Variants in CAMTA1 observed in about 807,000 individuals in gnomAD.
CAMTA1 encodes the protein calmodulin-binding transcription activator 1.
Under a neutral mutation model 170.9 loss-of-function variants are expected in CAMTA1, and 27 were observed. The observed-to-expected ratio is 0.16, with a 90% CI of 0.12 to 0.22. CAMTA1 has a LOEUF of 0.22. Ranked by LOEUF, CAMTA1 falls within the 10% of genes least tolerant of loss-of-function variation. CAMTA1 has a pLI of 1.00. For synonymous variants in CAMTA1, 833 were observed against 891.5 expected (o/e 0.93, Z 1.17); for missense variants, 1,619 against 2,217.2 (o/e 0.73, Z 5.42).
intron 3 of CAMTA1, among the ~76,000 whole-genome samples, chr1:6,910,075 C>G (rs569402099): frequency 1.3e-5 from 2 of 152,340 alleles, no homozygotes; most frequent in South Asian, 4.1e-4. Context: ...TTGCTTTTGG[C>G]TTTATCTATA....
chr1:6,919,911 AC>A (rs1390535953), intron 3 of CAMTA1, among the ~76,000 whole-genome samples: 1 of 151,044 alleles, frequency 6.6e-6, no homozygotes, highest in Non-Finnish European at 1.5e-5. Context: ...CCCCCATAAC[AC>A]GTGGGAATTA....
chr1:7,546,215 C>A (rs2094691146), intron 6 of CAMTA1, among the ~76,000 whole-genome samples: 1 of 152,178 alleles, frequency 6.6e-6, no homozygotes, highest in African/African-American at 2.4e-5. Context: ...CTCAGCCTCC[C>A]AAAGTGCTGG....
At chr1:7,282,352 C>A (rs1025109030) in intron 5 of CAMTA1, among the ~76,000 whole-genome samples, 1 of 152,082 alleles carries the variant, frequency 6.6e-6, no homozygotes. Flanking sequence ...AGCCTTCTCT[C>A]TCCTCCAAAA....
intron 4 of CAMTA1, among the ~76,000 whole-genome samples, chr1:7,181,463 A>G (rs4908445): frequency 0.36 from 54,099 of 151,990 alleles, 9,580 homozygotes; most frequent in African/African-American, 0.37. Flanking sequence ...TTTGCACATG[A>G]TATGATAGTA....
intron 11 of CAMTA1, among the ~76,000 whole-genome samples, chr1:7,699,921 A>G (rs1239992988): frequency 1.3e-5 from 2 of 152,208 alleles, no homozygotes; most frequent in South Asian, 2.1e-4. Flanking sequence ...TATATTTGAG[A>G]TACAAGTCCC....
At chr1:7,684,075 C>A (rs982920382) in intron 11 of CAMTA1, among the ~76,000 whole-genome samples, 1 of 152,186 alleles carries the variant, frequency 6.6e-6, no homozygotes, top group African/African-American at 2.4e-5. Context: ...CACCTTGGAG[C>A]TGGGTCCCAT....
chr1:7,719,638 G>A (rs2096636574), intron 11 of CAMTA1, among the ~76,000 whole-genome samples: 1 of 152,186 alleles, frequency 6.6e-6, no homozygotes, highest in Non-Finnish European at 1.5e-5. Flanking sequence ...AAATCAGAGT[G>A]GTACAGCTTG....
intron 1 of CAMTA1, among the ~76,000 whole-genome samples, chr1:6,805,561 A>T (rs1023954917): frequency 6.6e-6 from 1 of 152,164 alleles, no homozygotes; most frequent in Non-Finnish European, 1.5e-5. Context: ...GCAGGAGTGT[A>T]GTGATGCAGT....
intron 3 of CAMTA1, among the ~76,000 whole-genome samples, chr1:6,928,137 C>T (rs564680959): frequency 3.7e-4 from 56 of 152,294 alleles, no homozygotes; most frequent in African/African-American, 1.3e-3. Context: ...AGGGAGAACT[C>T]GGTGATCTGA....
In CAMTA1 at chr1:7,251,010, G is replaced by A. The variant is rs996437204; in HGVS notation, c.438+1384G>A. Among the ~76,000 whole-genome samples, 10 of 152,322 alleles carry A rather than the reference G, an allele frequency of 6.6e-5. No homozygotes were observed. The highest frequency in any genetic ancestry group is 3.9e-4 in the East Asian group (2 of 5,160). On this transcript the variant is annotated intron_variant, in intron 5 of 22. Transcript: ENST00000303635. This position sits in a 1 kb window ranked among gnomAD's most constrained non-coding sequence, Gnocchi z 5.1. ...TCCTGGGAGGACCCTCATCTCCTAC[G>A]CTGGAGGGAGAGGTAGAGAGTGAGG...
At chr1:6,989,748 C>T (rs145452141) in intron 3 of CAMTA1, among the ~76,000 whole-genome samples, 1 of 152,310 alleles carries the variant, frequency 6.6e-6, no homozygotes, top group Non-Finnish European at 1.5e-5. Flanking sequence ...GAGTCAACTG[C>T]TTCTGACTCT....
At chr1:7,036,871 A>G (rs1000134599) in intron 3 of CAMTA1, among the ~76,000 whole-genome samples, 6 of 152,156 alleles carry the variant, frequency 3.9e-5, no homozygotes, top group African/African-American at 7.2e-5. Context: ...GTGCCCTGCT[A>G]TTTGCAGAGG....
At chr1:7,706,598 C>T (rs1349822472) in intron 11 of CAMTA1, among the ~76,000 whole-genome samples, 1 of 152,154 alleles carries the variant, frequency 6.6e-6, no homozygotes, top group Non-Finnish European at 1.5e-5. Flanking sequence ...ATTTGTTTCT[C>T]TTTTTCTTTG....
chr1:7,034,847 C>T (rs1703350553), intron 3 of CAMTA1, among the ~76,000 whole-genome samples: 1 of 152,120 alleles, frequency 6.6e-6, no homozygotes. Context: ...GTCCTTCTTA[C>T]TCCATCTTGG....
intron 5 of CAMTA1, among the ~76,000 whole-genome samples, chr1:7,460,707 A>G (rs2093064769): frequency 6.6e-6 from 1 of 151,568 alleles, no homozygotes; most frequent in African/African-American, 2.4e-5. Flanking sequence ...CTTCCCTTCT[A>G]TGAGCTCTTT....
chr1:7,741,227 C>A (rs1352497267), intron 16 of CAMTA1, among the ~76,000 whole-genome samples: 1 of 152,004 alleles, frequency 6.6e-6, no homozygotes, highest in Non-Finnish European at 1.5e-5. Context: ...TTGTTCCACT[C>A]GTGATATAGA....
intron 3 of CAMTA1, among the ~76,000 whole-genome samples, chr1:6,894,098 C>T (rs78326504): frequency 0.08 from 12,118 of 152,154 alleles, 725 homozygotes; most frequent in East Asian, 0.26. Flanking sequence ...ATTAAGTGAA[C>T]GGAGAACTGG....
At chr1:7,627,546 C>CTG (rs1381252181) in intron 6 of CAMTA1, among the ~76,000 whole-genome samples, 2 of 152,214 alleles carry the variant, frequency 1.3e-5, no homozygotes, top group African/African-American at 4.8e-5. Flanking sequence ...GCAGGCACTA[C>CTG]TGTTCTCTCC....
intron 3 of CAMTA1, among the ~76,000 whole-genome samples, chr1:6,977,751 T>C (rs1034372119): frequency 6.6e-6 from 1 of 152,202 alleles, no homozygotes; most frequent in Non-Finnish European, 1.5e-5. Context: ...TTTAGAGAGA[T>C]TGAGTGCTTA....
Sources: allele counts gnomAD v4.1 joint callset (sites outside exome capture counted in the v4.1 genomes callset), GRCh38; gene constraint gnomAD v4.1.1; non-coding constraint Gnocchi (gnomAD v3.1); transcripts MANE v1.5; gene names NCBI Gene and HGNC (gene_info 2026-07-23, HGNC 2026-07-21).